TASP1: variants seen among roughly 807,000 people sequenced by gnomAD.
TASP1 encodes threonine aspartase 1.
A neutral mutation model predicts 56.6 loss-of-function variants in TASP1; 16 were observed. The ratio of observed to expected loss-of-function variants is 0.28; its 90% CI spans 0.19 to 0.43. The LOEUF is 0.43. Among genes scored for constraint, TASP1 ranks in the 20% least tolerant of loss-of-function variants. The pLI, the probability that TASP1 is intolerant of heterozygous loss-of-function variation, is 1.00. For synonymous variants in TASP1, 179 were observed against 184.2 expected (o/e 0.97, Z 0.23); for missense variants, 393 against 511.6 (o/e 0.77, Z 2.24).
chr20:13,147,340 T>C, the TASP1 span, among the ~76,000 whole-genome samples: 4 of 152,202 alleles, frequency 2.6e-5, no homozygotes, highest in African/African-American at 9.7e-5. Context: ...TCAGTGCTAA[T>C]GTGATTCTTA....
the TASP1 span, among the ~76,000 whole-genome samples, chr20:13,273,138 G>T: frequency 6.6e-6 from 1 of 152,058 alleles, no homozygotes; most frequent in Non-Finnish European, 1.5e-5. Context: ...AGAACTTCTT[G>T]GGATCCCCTT....
the TASP1 span, among the ~76,000 whole-genome samples, chr20:13,296,957 G>A: frequency 6.6e-6 from 1 of 152,100 alleles, no homozygotes; most frequent in African/African-American, 2.4e-5. Flanking sequence ...AGCAGAGGTT[G>A]CAGTGAGCTG....
chr20:13,345,645 C>T, the TASP1 span, among the ~76,000 whole-genome samples: 1 of 152,132 alleles, frequency 6.6e-6, no homozygotes, highest in Non-Finnish European at 1.5e-5. Flanking sequence ...AAGGCTGGTA[C>T]CCTGTAGAAC....
chr20:13,265,607 C>T, the TASP1 span, among the ~76,000 whole-genome samples: 6 of 152,162 alleles, frequency 3.9e-5, no homozygotes, highest in Non-Finnish European at 7.3e-5. Flanking sequence ...CCAAGCTCTG[C>T]ACTCAATCCA....
At chr20:13,128,760 G>A in the TASP1 span, among the ~76,000 whole-genome samples, 1 of 151,764 alleles carries the variant, frequency 6.6e-6, no homozygotes, top group African/African-American at 2.4e-5. Context: ...ACATGATCTT[G>A]GCTCACTACA....
chr20:13,186,356 T>TA, the TASP1 span, among the ~76,000 whole-genome samples: 1 of 152,212 alleles, frequency 6.6e-6, no homozygotes, highest in African/African-American at 2.4e-5. Flanking sequence ...ATATTTCTCT[T>TA]ACGTTAGTCT....
At chr20:13,196,018 A>C in the TASP1 span, among the ~76,000 whole-genome samples, 1 of 152,228 alleles carries the variant, frequency 6.6e-6, no homozygotes, top group Non-Finnish European at 1.5e-5. Context: ...AGAATATAGA[A>C]CCTACAATTA....
chr20:13,438,092 T>C (rs73610477), intron 11 of TASP1, among the ~76,000 whole-genome samples: 2 of 151,788 alleles, frequency 1.3e-5, no homozygotes, highest in African/African-American at 4.8e-5. Context: ...AGGTAATTTA[T>C]AGATTCAATG....
At chr20:13,306,132 T>C in the TASP1 span, among the ~76,000 whole-genome samples, 1 of 152,228 alleles carries the variant, frequency 6.6e-6, no homozygotes, top group Non-Finnish European at 1.5e-5. Flanking sequence ...AGGCATGTAA[T>C]TCATGGATGA....
chr20:13,180,906 T>C, the TASP1 span, among the ~76,000 whole-genome samples: 1 of 152,252 alleles, frequency 6.6e-6, no homozygotes, highest in East Asian at 1.9e-4. Flanking sequence ...GAAGGCCAGC[T>C]GAGTTCACAG....
At chr20:13,299,114 C>T in the TASP1 span, 7 of 1,613,544 alleles carry the variant, frequency 4.3e-6, no homozygotes, top group East Asian at 8.9e-5. This position sits in a 1 kb window ranked among gnomAD's most constrained non-coding sequence, Gnocchi z 5.8. Flanking sequence ...GCTGGAAGGA[C>T]GCCAGCGGGC....
chr20:13,282,063 C>G, the TASP1 span, among the ~76,000 whole-genome samples: 53 of 152,264 alleles, frequency 3.5e-4, no homozygotes, highest in East Asian at 6.4e-3. Flanking sequence ...TGAACAAGCC[C>G]TCCAGGCACT....
the TASP1 span, among the ~76,000 whole-genome samples, chr20:13,199,904 GC>G: frequency 1.3e-5 from 2 of 152,180 alleles, no homozygotes; most frequent in South Asian, 4.1e-4. Flanking sequence ...TAGTGCCAAG[GC>G]CAGACTCAAT....
chr20:13,587,510 TTAA>T (rs2047350625), intron 4 of TASP1, 140 bp from the exon 5 acceptor site: 4 of 620,316 alleles, frequency 6.4e-6, no homozygotes, highest in Non-Finnish European at 5.4e-6. Flanking sequence ...CACCCTGATG[TTAA>T]AACATGACAA....
chr20:13,638,845 G>C (rs1409704807), intron 1 of TASP1, 49 bp downstream of exon 1: 1 of 152,862 alleles, frequency 6.5e-6, no homozygotes, highest in Admixed American at 6.5e-5. Flanking sequence ...AGAGGCAGCA[G>C]CGCGGAGGCG....
intron 10 of TASP1, among the ~76,000 whole-genome samples, chr20:13,498,759 C>G (rs1367647326): frequency 6.8e-6 from 1 of 147,148 alleles, no homozygotes; most frequent in South Asian, 2.1e-4. Flanking sequence ...AATGAGATAC[C>G]ATCTCACACC....
chr20:13,492,265 A>G (rs947527787), intron 10 of TASP1, among the ~76,000 whole-genome samples: 2 of 152,216 alleles, frequency 1.3e-5, no homozygotes, highest in African/African-American at 4.8e-5. Context: ...AAATCTTTCA[A>G]CACATCCCCT....
At chr20:13,251,885 A>T in the TASP1 span, among the ~76,000 whole-genome samples, 174 of 152,296 alleles carry the variant, frequency 1.1e-3, no homozygotes, top group Non-Finnish European at 1.9e-3. Context: ...CTGGTTAAAA[A>T]TGGGTTTGGC....
the TASP1 span, among the ~76,000 whole-genome samples, chr20:13,193,403 T>C: frequency 6.6e-6 from 1 of 151,928 alleles, no homozygotes; most frequent in African/African-American, 2.4e-5. Flanking sequence ...AAAGGCACAA[T>C]AGAATGACTG....
Sources: allele counts gnomAD v4.1 joint callset (sites outside exome capture counted in the v4.1 genomes callset), GRCh38; gene constraint gnomAD v4.1.1; non-coding constraint Gnocchi (gnomAD v3.1); transcripts MANE v1.5; gene names NCBI Gene and HGNC (gene_info 2026-07-23, HGNC 2026-07-21).